JMJD1C: variants seen among roughly 807,000 people sequenced by gnomAD.
JMJD1C encodes jumonji domain containing 1C.
In JMJD1C, 31 loss-of-function variants were observed where a neutral mutation model predicts 245.3. The observed-to-expected ratio is 0.13, with a 90% CI of 0.09 to 0.17. JMJD1C has a LOEUF of 0.17. Among genes scored for constraint, JMJD1C ranks in the 10% least tolerant of loss-of-function variants. JMJD1C has a pLI of 1.00. For missense variants in JMJD1C, 2,691 were observed against 3,000.2 expected, an observed-to-expected ratio of 0.90 and a Z score of 2.41; for synonymous variants, 1,057 against 1,017.4, an observed-to-expected ratio of 1.04 and a Z score of -0.74.
chr10:63,249,220 G>A (rs1852703696), intron 3 of JMJD1C, among the ~76,000 whole-genome samples: 3 of 152,214 alleles, frequency 2.0e-5, no homozygotes, highest in Admixed American at 1.3e-4. Flanking sequence ...GAAGGCTGAG[G>A]CAGGAGAATC....
At chr10:63,329,665 C>T (rs1589495103) in intron 2 of JMJD1C, among the ~76,000 whole-genome samples, 1 of 152,266 alleles carries the variant, frequency 6.6e-6, no homozygotes, top group Non-Finnish European at 1.5e-5. Context: ...AATTTTTTGA[C>T]TTTCTGACAT....
intron 3 of JMJD1C, among the ~76,000 whole-genome samples, chr10:63,257,148 A>T (rs1326104746): frequency 1.3e-5 from 2 of 151,072 alleles, no homozygotes; most frequent in Non-Finnish European, 2.9e-5. Flanking sequence ...GATGTGGGAG[A>T]ATCACTTGAA....
intron 1 of JMJD1C, among the ~76,000 whole-genome samples, chr10:63,504,120 C>T (rs371161048): frequency 5.4e-4 from 82 of 152,260 alleles, no homozygotes; most frequent in African/African-American, 1.9e-3. Flanking sequence ...GTATAATAAA[C>T]CTAATGTATA....
intron 2 of JMJD1C, among the ~76,000 whole-genome samples, chr10:63,317,289 G>A (rs1210667931): frequency 6.6e-6 from 1 of 151,956 alleles, no homozygotes; most frequent in African/African-American, 2.4e-5. Flanking sequence ...GCAGATCCAC[G>A]AGGTCAGAAG....
intron 1 of JMJD1C, among the ~76,000 whole-genome samples, chr10:63,479,152 A>AT (rs1564960565): frequency 1.3e-5 from 2 of 151,868 alleles, no homozygotes; most frequent in African/African-American, 2.4e-5. Context: ...GTATTATATA[A>AT]TTTTTTCAGC....
chr10:63,193,912 G>A (rs915101728), intron 14 of JMJD1C, among the ~76,000 whole-genome samples: 12 of 152,088 alleles, frequency 7.9e-5, no homozygotes, highest in Non-Finnish European at 1.5e-4. Flanking sequence ...GTGATCCGCC[G>A]GCCTTGGCCT....
rs758005863 is a variant in JMJD1C, at chr10:63,305,366, C to CAAAAAA, written c.334-40608_334-40603dup. Reference sequence around the variant, plus strand: ...CTGGCGACGGAGCAAGACTCCACCTCAAAAAAAAAACAAAAAACAAAAAAG... The same window carrying CAAAAAA: ...CTGGCGACGGAGCAAGACTCCACCTCAAAAAAAAAAAAAAAACAAAAAACAAAAAAG... On this transcript the variant is annotated intron_variant, in intron 2 of 25. Coordinates refer to ENST00000399262, the MANE Select transcript of JMJD1C (RefSeq NM_032776.3). Among the ~76,000 whole-genome samples the CAAAAAA allele has an allele frequency of 5.7e-4, 61 of 106,594 alleles. 1 individual carries two copies. The highest frequency in any genetic ancestry group is 3.0e-3 in the East Asian group (11 of 3,648). The allele number at this position is 106,594 out of a possible 152,430, so 69.9% of individuals were successfully genotyped here.
At chr10:63,288,857 C>T (rs1022351909) in intron 2 of JMJD1C, among the ~76,000 whole-genome samples, 2 of 149,876 alleles carry the variant, frequency 1.3e-5, no homozygotes, top group African/African-American at 2.5e-5. Flanking sequence ...CCAGCCTGGG[C>T]GACAAAGTGA....
chr10:63,274,494 G>A (rs956761053), intron 2 of JMJD1C, among the ~76,000 whole-genome samples: 1 of 152,034 alleles, frequency 6.6e-6, no homozygotes, highest in Non-Finnish European at 1.5e-5. Context: ...CAGCCCAGGA[G>A]CCAGAGGTTG....
intron 2 of JMJD1C, among the ~76,000 whole-genome samples, chr10:63,293,263 C>T (rs190838673): frequency 6.6e-6 from 1 of 152,116 alleles, no homozygotes; most frequent in African/African-American, 2.4e-5. Context: ...ACCATGGTCA[C>T]TCCATTTTAT....
At chr10:63,212,106 GA>G (rs2133199988) in intron 8 of JMJD1C, among the ~76,000 whole-genome samples, 1 of 152,242 alleles carries the variant, frequency 6.6e-6, no homozygotes, top group African/African-American at 2.4e-5. Context: ...TCTACTCATA[GA>G]AAGTATCTAA....
In JMJD1C at chr10:63,219,921, T is replaced by A; in HGVS notation, c.510A>T (p.Lys170Asn). 1 of 1,613,862 alleles carries A rather than the reference T, an allele frequency of 6.2e-7. No individual in the cohort carries two copies. The highest frequency in any genetic ancestry group is 8.5e-7 in the Non-Finnish European group (1 of 1,179,812). Residue 170 changes from lysine (K) to asparagine (N), a missense_variant, in exon 4 of 26, where the codon AAA becomes AAT. Physicochemically the swap from Lys to Asn is moderately conservative, Grantham distance 94. Coordinates refer to ENST00000399262, the MANE Select transcript of JMJD1C (RefSeq NM_032776.3). ...RDNPQLHEEV[K>N]VWVKEQKVQE... ...GAACCTTTTGTTCCTTTACCCAGAC[T>A]TTCACTTCCTCATGAAGCTGCGGGT...
intron 2 of JMJD1C, among the ~76,000 whole-genome samples, chr10:63,341,164 T>C (rs1255182368): frequency 1.3e-5 from 2 of 152,194 alleles, no homozygotes; most frequent in African/African-American, 4.8e-5. Flanking sequence ...TGAAGGGAAC[T>C]ATAAATACTC....
intron 3 of JMJD1C, among the ~76,000 whole-genome samples, chr10:63,239,913 A>G (rs1313484525): frequency 6.6e-6 from 1 of 152,208 alleles, no homozygotes; most frequent in Non-Finnish European, 1.5e-5. Context: ...ATCTACTCTG[A>G]ACATTCTATT....
chr10:63,416,191 A>T (rs148959365), intron 1 of JMJD1C, among the ~76,000 whole-genome samples: 1 of 152,208 alleles, frequency 6.6e-6, no homozygotes. Context: ...AGAGAAACTT[A>T]TAACAGTGTT....
chr10:63,199,299 T>A (rs1845770464), intron 11 of JMJD1C, among the ~76,000 whole-genome samples: 1 of 152,108 alleles, frequency 6.6e-6, no homozygotes, highest in Non-Finnish European at 1.5e-5. Flanking sequence ...TTCAGAGAAG[T>A]TTATGGTAAA....
chr10:63,422,516 G>A (rs1950182461), intron 1 of JMJD1C, among the ~76,000 whole-genome samples: 1 of 152,112 alleles, frequency 6.6e-6, no homozygotes, highest in Non-Finnish European at 1.5e-5. Context: ...CCTCCATCTG[G>A]AATATCTTAT....
chr10:63,442,380 A>C (rs1211674427), intron 1 of JMJD1C, among the ~76,000 whole-genome samples: 5 of 152,234 alleles, frequency 3.3e-5, no homozygotes, highest in South Asian at 2.1e-4. Context: ...ACAATGTTGA[A>C]TATATATGAA....
At chr10:63,474,089 T>TA (rs934471014) in intron 1 of JMJD1C, among the ~76,000 whole-genome samples, 4 of 148,968 alleles carry the variant, frequency 2.7e-5, no homozygotes, top group African/African-American at 7.3e-5. Context: ...CTTGGTACAC[T>TA]AAAAAAAATA....
Sources: allele counts gnomAD v4.1 joint callset (sites outside exome capture counted in the v4.1 genomes callset), GRCh38; gene constraint gnomAD v4.1.1; transcripts MANE v1.5; gene names NCBI Gene and HGNC (gene_info 2026-07-23, HGNC 2026-07-21).